ARHGAP21: variants seen among roughly 807,000 people sequenced by gnomAD.
ARHGAP21 encodes the protein Rho GTPase activating protein 21.
ARHGAP21 carries 38 observed loss-of-function variants against 164.6 expected under a neutral mutation model. The ratio of observed to expected loss-of-function variants is 0.23; its 90% CI spans 0.18 to 0.30. The LOEUF (loss-of-function observed/expected upper bound fraction) is 0.30. Among genes scored for constraint, ARHGAP21 ranks in the 10% least tolerant of loss-of-function variants. The pLI, the probability that ARHGAP21 is intolerant of heterozygous loss-of-function variation, is 1.00. For missense variants in ARHGAP21, 1,822 were observed against 2,370.7 expected (o/e 0.77, Z 4.81); for synonymous variants, 766 against 857.9 (o/e 0.89, Z 1.87).
intron 5 of ARHGAP21, 112 bp from the exon 6 acceptor site, chr10:24,633,592 A>G (rs1836051758): frequency 1.7e-6 from 1 of 572,568 alleles, no homozygotes; most frequent in Non-Finnish European, 2.9e-6. Context: ...ATATATTAAA[A>G]TAATAAAATA....
chr10:24,600,584 G>A, intron 14 of ARHGAP21, 62 bp downstream of exon 14: 1 of 1,545,486 alleles, frequency 6.5e-7, no homozygotes, highest in Non-Finnish European at 8.8e-7. Flanking sequence ...ATATTCCTTA[G>A]ATCTTTGTAA....
rs189392387 is a variant in ARHGAP21 at position 24,697,655 on chromosome 10, G to A, written c.63+24182C>T. ...GTGGATCACTTGAGGTCAGGAGTTC[G>A]AGACCAGCCTGGCCAACACGGTGAA... On this transcript the variant is annotated intron_variant, in intron 2 of 25. Transcript: ENST00000396432. Among the ~76,000 whole-genome samples, 129 of 152,144 alleles carry A rather than the reference G, an allele frequency of 8.5e-4. No individual in the cohort carries two copies. The Middle Eastern group carries it at 0.027, about 32-fold the overall frequency.
At chr10:24,655,418 T>C (rs1362178217) in intron 4 of ARHGAP21, among the ~76,000 whole-genome samples, 2 of 151,954 alleles carry the variant, frequency 1.3e-5, no homozygotes, top group East Asian at 3.9e-4. Context: ...TTAAACAAAT[T>C]TACAAGAAAA....
At chr10:24,644,213 T>C (rs1400926118) in intron 4 of ARHGAP21, among the ~76,000 whole-genome samples, 1 of 152,172 alleles carries the variant, frequency 6.6e-6, no homozygotes, top group Non-Finnish European at 1.5e-5. Flanking sequence ...TCTTCTCACA[T>C]GTAAAACTTC....
At chr10:24,595,212 CAA>C (rs1307609297) in intron 19 of ARHGAP21, 22 bp from the exon 20 acceptor site, 10 of 1,585,232 alleles carry the variant, frequency 6.3e-6, no homozygotes, top group Non-Finnish European at 8.6e-6. Context: ...AACAATAAAA[CAA>C]ATTTATCTTA....
intron 9 of ARHGAP21, among the ~76,000 whole-genome samples, chr10:24,608,776 T>C: frequency 8.4e-6 from 1 of 118,672 alleles, no homozygotes; most frequent in African/African-American, 2.7e-5. Flanking sequence ...TACAACTTTC[T>C]TTAAAAGCAG....
chr10:24,627,800 T>A (rs1835291884), intron 7 of ARHGAP21, among the ~76,000 whole-genome samples: 1 of 152,212 alleles, frequency 6.6e-6, no homozygotes, highest in African/African-American at 2.4e-5. Flanking sequence ...ACAAAATTAC[T>A]CCTTCCATTA....
rs774990651 is a variant in ARHGAP21 at position 24,595,742 on chromosome 10, T to C, written c.3687A>G (p.Lys1229=). 5.6e-6 allele frequency: 9 copies of C among 1,613,262 alleles called. No homozygotes were observed. The highest frequency in any genetic ancestry group is 7.6e-6 in the Non-Finnish European group (9 of 1,179,746). Residue 1229 remains lysine, a synonymous_variant, in exon 19 of 26, where the codon AAA becomes AAG. Transcript: ENST00000396432. ...CATTTGTGAAGAGAGGCTCAGGGAG[T>C]TTTCTGAAGAAGGATTTTAGTAAAC... ...ISSLLKSFFR[K]LPEPLFTNDK...
intron 24 of ARHGAP21, 65 bp downstream of exon 24, chr10:24,591,160 G>A: frequency 7.8e-7 from 1 of 1,288,894 alleles, no homozygotes; most frequent in Non-Finnish European, 1.1e-6. Flanking sequence ...TGATTGATTT[G>A]CTCTTTCATA....
intron 2 of ARHGAP21, among the ~76,000 whole-genome samples, chr10:24,696,018 A>G (rs565325453): frequency 6.6e-6 from 1 of 152,352 alleles, no homozygotes; most frequent in East Asian, 1.9e-4. Flanking sequence ...CTAAATTTTA[A>G]GGGTAATCTG....
At chr10:24,595,603 G>T (rs1336964773) in intron 19 of ARHGAP21, 114 bp downstream of exon 19, 1 of 1,017,358 alleles carries the variant, frequency 9.8e-7, no homozygotes, top group Non-Finnish European at 1.4e-6. Flanking sequence ...ACTAAATAAA[G>T]CCTCCTGCTT....
At chr10:24,690,572 T>C (rs891493080) in intron 2 of ARHGAP21, among the ~76,000 whole-genome samples, 1 of 152,140 alleles carries the variant, frequency 6.6e-6, no homozygotes, top group African/African-American at 2.4e-5. Context: ...CTCACTCTTG[T>C]AATCCCAGCA....
chr10:24,703,195 TTAAG>T (rs1330308447), intron 2 of ARHGAP21, among the ~76,000 whole-genome samples: 1 of 152,320 alleles, frequency 6.6e-6, no homozygotes, highest in Non-Finnish European at 1.5e-5. Flanking sequence ...AAGGATTTAA[TTAAG>T]TAAACCAATT....
chr10:24,601,084 A>T (rs923806555), intron 13 of ARHGAP21, among the ~76,000 whole-genome samples, 154 bp from the exon 14 acceptor site: 3 of 152,236 alleles, frequency 2.0e-5, no homozygotes, highest in Non-Finnish European at 2.9e-5. Flanking sequence ...GAGGAGAGGA[A>T]GGATAAAAAT....
Position 24,631,118 on chromosome 10 carries a change from C to T in ARHGAP21, c.441-1068G>A, listed in dbSNP as rs374792024. The stretch of plus-strand genomic sequence containing the variant: ...CAAAGGTGCCGGGCGAAGTGGCTTA[C>T]GTTCCCAGGCCAAGGTGGGTGGATC... On this transcript the variant is annotated intron_variant, in intron 6 of 25. Transcript: ENST00000396432. Among the ~76,000 whole-genome samples the T allele has an allele frequency of 2.6e-5, 4 of 152,282 alleles. No homozygotes were observed. In the East Asian group the frequency reaches 5.8e-4, roughly 22 times the overall value.
chr10:24,622,549 C>T (rs765421874), intron 8 of ARHGAP21, among the ~76,000 whole-genome samples, 184 bp downstream of exon 8: 52 of 145,330 alleles, frequency 3.6e-4, no homozygotes, highest in Non-Finnish European at 5.7e-4. Flanking sequence ...GAAAACCAAA[C>T]ATAAAAATAA....
intron 9 of ARHGAP21, among the ~76,000 whole-genome samples, chr10:24,617,212 TTCTC>T (rs1431425763): frequency 3.9e-5 from 6 of 152,340 alleles, no homozygotes; most frequent in Admixed American, 2.6e-4. Context: ...AGCCAAAATC[TTCTC>T]TTTAATAACA....
chr10:24,717,693 C>A (rs1845524929), intron 2 of ARHGAP21, among the ~76,000 whole-genome samples: 1 of 152,144 alleles, frequency 6.6e-6, no homozygotes, highest in Non-Finnish European at 1.5e-5. Context: ...AAAGTCCTTT[C>A]AGACTTCACA....
At chr10:24,631,133 G>A (rs1342201234) in intron 6 of ARHGAP21, among the ~76,000 whole-genome samples, 1 of 152,180 alleles carries the variant, frequency 6.6e-6, no homozygotes, top group African/African-American at 2.4e-5. Context: ...CCAGGCCAAG[G>A]TGGGTGGATC....
Sources: allele counts gnomAD v4.1 joint callset (sites outside exome capture counted in the v4.1 genomes callset), GRCh38; gene constraint gnomAD v4.1.1; transcripts MANE v1.5; gene names NCBI Gene and HGNC (gene_info 2026-07-23, HGNC 2026-07-21).